CNGB3: variants seen among roughly 807,000 people sequenced by gnomAD.
CNGB3 encodes the protein cyclic nucleotide-gated channel beta-3.
CNGB3 carries 86 observed loss-of-function variants against 92.8 expected under a neutral mutation model. That is an observed-to-expected ratio of 0.93 (90% CI 0.78 to 1.11). CNGB3 has a LOEUF of 1.11. Among genes scored for constraint, CNGB3 ranks in the 50% least tolerant of loss-of-function variants. The pLI, the probability that CNGB3 is intolerant of heterozygous loss-of-function variation, is 0.00. For synonymous variants in CNGB3, 333 were observed against 332.7 expected (o/e 1.00, Z -0.01); for missense variants, 1,026 against 956.8 (o/e 1.07, Z -0.95).
At chr8:86,733,015 CT>C (rs1478198413) in intron 2 of CNGB3, among the ~76,000 whole-genome samples, 2 of 151,996 alleles carry the variant, frequency 1.3e-5, no homozygotes, top group African/African-American at 4.8e-5. Flanking sequence ...CAACATTTAA[CT>C]TTTCTTTTTT....
At chr8:86,634,387 G>A (rs1823023572) in intron 10 of CNGB3, among the ~76,000 whole-genome samples, 1 of 152,130 alleles carries the variant, frequency 6.6e-6, no homozygotes, top group Non-Finnish European at 1.5e-5. Flanking sequence ...ATGTTTGGTA[G>A]GTTAGGTGTA....
At chr8:86,718,994 A>T (rs1212590727) in intron 3 of CNGB3, among the ~76,000 whole-genome samples, 2 of 151,996 alleles carry the variant, frequency 1.3e-5, no homozygotes, top group Non-Finnish European at 2.9e-5. Flanking sequence ...AAACCCTCAG[A>T]AAAACTGGCA....
At chr8:86,738,840 C>CAAA (rs773191598) in intron 2 of CNGB3, among the ~76,000 whole-genome samples, 97 of 120,940 alleles carry the variant, frequency 8.0e-4, no homozygotes, top group Admixed American at 1.5e-3. Flanking sequence ...GACTCCGTCT[C>CAAA]AAAAAAAAAA....
Position 86,576,075 on chromosome 8 carries a change from T to C in CNGB3, c.2159A>G (p.Gln720Arg), listed in dbSNP as rs112573107. The C allele has an allele frequency of 3.3e-4, 521 of 1,602,130 alleles. 2 individuals are homozygous for C. The African/African-American group carries it at 4.7e-3, about 14-fold the overall frequency. ...EEEGKENEDKQKENEDKQKEN... is the reference protein window; with the variant it reads ...EEEGKENEDKRKENEDKQKEN... ...TTTTTGTTTATCTTCATTTTCTTTT[T>C]GTTTATCTTCATTTTCTTTTCCTTC... Residue 720 changes from glutamine to arginine, a missense_variant, in exon 18 of 18, where the codon CAA becomes CGA. Coordinates refer to ENST00000320005, the MANE Select transcript of CNGB3 (RefSeq NM_019098.5).
At position 86,589,104 on chromosome 8, in the gene CNGB3, A is replaced by G. The variant is rs1042623246; in HGVS notation, c.1782-9852T>C. Among the ~76,000 whole-genome samples the G allele has an allele frequency of 2.0e-5, 3 of 151,820 alleles. No individual in the cohort carries two copies. In the East Asian group the frequency reaches 5.8e-4, roughly 29 times the overall value. Reference sequence around the variant, plus strand: ...GTCAAGGAATTTATCCATTTCTTCTAGATTTTCTAGTTTATTTGCGTAGAG... The same window carrying G: ...GTCAAGGAATTTATCCATTTCTTCTGGATTTTCTAGTTTATTTGCGTAGAG... On this transcript the variant is annotated intron_variant, in intron 15 of 17. Transcript: ENST00000320005.
At chr8:86,624,283 G>A (rs1172259134) in intron 13 of CNGB3, among the ~76,000 whole-genome samples, 1 of 152,180 alleles carries the variant, frequency 6.6e-6, no homozygotes, top group East Asian at 1.9e-4. Context: ...GCTGGGTGTG[G>A]TGGTGCATGC....
At chr8:86,629,411 C>T (rs78763756) in intron 11 of CNGB3, among the ~76,000 whole-genome samples, 2,620 of 152,246 alleles carry the variant, frequency 0.017, 74 homozygotes, top group African/African-American at 0.06. Flanking sequence ...TACACATAGT[C>T]TTCTTTGGAA....
intron 13 of CNGB3, among the ~76,000 whole-genome samples, chr8:86,616,325 G>A (rs910072324): frequency 2.6e-5 from 4 of 152,150 alleles, no homozygotes; most frequent in Non-Finnish European, 4.4e-5. Context: ...TTTATGAAAA[G>A]ATGCCACTAG....
chr8:86,613,794 C>G (rs1056598371), intron 13 of CNGB3, among the ~76,000 whole-genome samples: 3 of 150,800 alleles, frequency 2.0e-5, no homozygotes, highest in African/African-American at 7.3e-5. Context: ...AAATTCCCAA[C>G]TATATTAAGT....
Position 86,603,717 on chromosome 8 carries a change from G to T in CNGB3, c.1781+376C>A, listed in dbSNP as rs1822356161. On this transcript the variant is annotated intron_variant, in intron 15 of 17. Transcript: ENST00000320005. ...TCAGGAAATTTGGTCCCACAGCTAT[G>T]ATCACATCACTAGCCTACGCAAGAC... is the stretch of plus-strand genomic sequence containing the variant. Among the ~76,000 whole-genome samples, 3 of 152,202 alleles carry T rather than the reference G, an allele frequency of 2.0e-5. 1 individual carries two copies. In the South Asian group the frequency reaches 6.2e-4, roughly 31 times the overall value.
At chr8:86,742,223 G>A (rs1376116693) in intron 1 of CNGB3, among the ~76,000 whole-genome samples, 2 of 152,216 alleles carry the variant, frequency 1.3e-5, no homozygotes, top group Non-Finnish European at 2.9e-5. Flanking sequence ...AAAGATGGAT[G>A]TAGTGACTTT....
chr8:86,694,340 C>A (rs1385655202), intron 3 of CNGB3, among the ~76,000 whole-genome samples: 1 of 145,126 alleles, frequency 6.9e-6, no homozygotes, highest in Admixed American at 6.8e-5. Context: ...GGGCGGCTGG[C>A]CGGGCGGGGG....
intron 15 of CNGB3, among the ~76,000 whole-genome samples, chr8:86,587,658 C>T (rs1390918468): frequency 3.3e-5 from 5 of 150,736 alleles, no homozygotes; most frequent in Admixed American, 6.6e-5. Context: ...AGATATGCGG[C>T]GTTATTTCTG....
intron 6 of CNGB3, among the ~76,000 whole-genome samples, chr8:86,666,697 C>T (rs1823744532): frequency 6.6e-6 from 1 of 152,126 alleles, no homozygotes; most frequent in Non-Finnish European, 1.5e-5. Flanking sequence ...GTTATTTTCA[C>T]TTTAAATATG....
chr8:86,641,114 C>T (rs528196030), intron 10 of CNGB3, among the ~76,000 whole-genome samples: 88 of 152,066 alleles, frequency 5.8e-4, no homozygotes, highest in African/African-American at 1.7e-3. Context: ...GCTCATTATA[C>T]GCTAATTATA....
chr8:86,667,020 AGTAGT>A lies in CNGB3; in HGVS notation c.752_756del (p.His251LeufsTer9). On this transcript the variant is annotated frameshift_variant, in exon 6 of 18. Coordinates refer to ENST00000320005, the MANE Select transcript of CNGB3 (RefSeq NM_019098.5). LOFTEE classifies it high-confidence loss of function. Reference sequence around the variant, plus strand: ...TCACATATGATGTCCGCAATAAGCCAGTAGTGTATGTTGTCTGCGGTTTGATATGG... The same window carrying A: ...TCACATATGATGTCCGCAATAAGCCAGTATGTTGTCTGCGGTTTGATATGG... 2 of 1,614,042 alleles carry A rather than the reference AGTAGT, an allele frequency of 1.2e-6. No homozygotes were observed. Among genetic ancestry groups the A allele is most frequent in the Non-Finnish European group, 1.7e-6 (2 of 1,179,986 alleles).
intron 3 of CNGB3, among the ~76,000 whole-genome samples, chr8:86,718,702 A>G (rs963368082): frequency 2.0e-5 from 3 of 152,126 alleles, no homozygotes; most frequent in African/African-American, 7.2e-5. Context: ...CAAACCAGGG[A>G]AGGACATAAA....
intron 2 of CNGB3, among the ~76,000 whole-genome samples, chr8:86,730,038 C>T (rs962849149): frequency 3.3e-5 from 5 of 152,160 alleles, no homozygotes; most frequent in Admixed American, 6.5e-5. Flanking sequence ...AGTATTCTGA[C>T]GTGGTTGCCT....
intron 15 of CNGB3, among the ~76,000 whole-genome samples, chr8:86,599,957 A>C (rs542849615): frequency 6.6e-6 from 1 of 152,266 alleles, no homozygotes; most frequent in East Asian, 1.9e-4. Flanking sequence ...ATGACTAATA[A>C]AAACTTGCTG....
Sources: gnomAD v4.1 joint callset for allele counts (sites outside exome capture counted in the v4.1 genomes callset) on GRCh38, gnomAD v4.1.1 for gene constraint, MANE v1.5 for transcripts, NCBI Gene and HGNC (gene_info 2026-07-23, HGNC 2026-07-21) for gene names.